The following SRGAP3 variants were observed in gnomAD, a reference collection of about 807,000 sequenced individuals.
SRGAP3 encodes the protein SLIT-ROBO Rho GTPase-activating protein 3.
SRGAP3 carries 39 observed loss-of-function variants against 121.1 expected under a neutral mutation model. The ratio of observed to expected loss-of-function variants is 0.32; its 90% CI spans 0.25 to 0.42. The LOEUF is 0.42. SRGAP3 is among the 10% of genes least tolerant of loss of function. The probability of loss-of-function intolerance (pLI) is 1.00; values close to 1 mark genes in which losing one functional copy is unlikely to be tolerated. For missense variants in SRGAP3, 1,213 were observed against 1,470.6 expected (o/e 0.82, Z 2.86); for synonymous variants, 601 against 570.0 (o/e 1.05, Z -0.77).
At position 8,984,669 on chromosome 3, in the gene SRGAP3, T is replaced by C. The variant is rs909518584; in HGVS notation, c.*850A>G. 4.3e-6 allele frequency: 1 copy of C among 232,302 alleles called. No homozygotes were observed. The highest frequency in any genetic ancestry group is 2.2e-5 in the African/African-American group (1 of 45,270). 14.4% of individuals were successfully genotyped at this position (232,302 alleles called of 1,614,324 possible). A position where few individuals can be genotyped will look rare whatever the true frequency, so the allele number is the denominator to read the frequency against. Reference sequence around the variant, plus strand: ...GGGTCTTCTCGCCAACCTTCTCCCATGCCTTTGGGAGTACAGTTGGCCTTT... The same window carrying C: ...GGGTCTTCTCGCCAACCTTCTCCCACGCCTTTGGGAGTACAGTTGGCCTTT... On this transcript the variant is annotated 3_prime_UTR_variant, in exon 22 of 22. Coordinates refer to ENST00000383836, the MANE Select transcript of SRGAP3 (RefSeq NM_014850.4).
chr3:9,099,544 G>A (rs1948126020), intron 3 of SRGAP3, among the ~76,000 whole-genome samples: 1 of 152,226 alleles, frequency 6.6e-6, no homozygotes, highest in African/African-American at 2.4e-5. Context: ...ATGGGATAGT[G>A]GCTTTAGTCC....
rs1574995620 is a variant in SRGAP3 at position 9,058,306 on chromosome 3, T to C, written c.968A>G (p.Asn323Ser). The change falls in exon 7 of 22, where the codon AAT (asparagine) becomes AGT (serine). Residue 323 changes from asparagine (N) to serine (S), a missense_variant. This residue lies in a region of SRGAP3 where 793 missense variants were observed against 1,032.9 expected (regional missense o/e 0.77). Transcript: ENST00000383836. ...CTTGAGTGGAGGGCAGAAGACTTGA[T>C]TGCACATGTCCATGACTGTGTGCTT... ...SDKHTVMDMC[N>S]QVFCPPLKFE... 3 of 1,614,222 alleles carry C rather than the reference T, an allele frequency of 1.9e-6. No individual in the cohort carries two copies. Among genetic ancestry groups the C allele is most frequent in the Non-Finnish European group, 2.5e-6 (3 of 1,180,028 alleles).
At chr3:9,203,301 T>C (rs1207334403) in intron 1 of SRGAP3, among the ~76,000 whole-genome samples, 1 of 152,212 alleles carries the variant, frequency 6.6e-6, no homozygotes, top group Non-Finnish European at 1.5e-5. Flanking sequence ...TGGATTCTAG[T>C]GCTAACTCTG....
At chr3:9,179,291 C>T (rs945361229) in intron 1 of SRGAP3, among the ~76,000 whole-genome samples, 13 of 152,312 alleles carry the variant, frequency 8.5e-5, no homozygotes, top group Middle Eastern at 6.8e-3. Flanking sequence ...ATCAAGGCTA[C>T]CAGTCTAGGC....
intron 2 of SRGAP3, among the ~76,000 whole-genome samples, chr3:9,330,066 G>C (rs531886271): frequency 6.6e-6 from 1 of 152,270 alleles, no homozygotes; most frequent in Admixed American, 6.5e-5. Context: ...TAATGCATAA[G>C]CCAGAAGGAA....
intron 1 of SRGAP3, among the ~76,000 whole-genome samples, chr3:9,360,172 T>C (rs1417490818): frequency 1.3e-5 from 2 of 152,080 alleles, no homozygotes; most frequent in African/African-American, 4.8e-5. Flanking sequence ...CAAGCAATCT[T>C]CCCGCCTCTG....
intron 1 of SRGAP3, among the ~76,000 whole-genome samples, chr3:9,213,806 T>C (rs1952526822): frequency 6.6e-6 from 1 of 152,216 alleles, no homozygotes; most frequent in Non-Finnish European, 1.5e-5. Context: ...CCGATGCACA[T>C]ACTTTCTTGT....
At chr3:9,223,928 C>A (rs1270271555) in intron 1 of SRGAP3, among the ~76,000 whole-genome samples, 1 of 152,170 alleles carries the variant, frequency 6.6e-6, no homozygotes, top group Non-Finnish European at 1.5e-5. Flanking sequence ...ACAGGCACTT[C>A]TCCTCTCGAA....
intron 1 of SRGAP3, among the ~76,000 whole-genome samples, chr3:9,245,263 T>C (rs181314719): frequency 3.1e-4 from 47 of 152,338 alleles, no homozygotes; most frequent in Non-Finnish European, 5.7e-4. Context: ...ACAGAACATG[T>C]ACTCTGAAGT....
chr3:9,311,126 C>T (rs904848873), intron 3 of SRGAP3, among the ~76,000 whole-genome samples: 5 of 150,756 alleles, frequency 3.3e-5, no homozygotes, highest in African/African-American at 7.4e-5. Flanking sequence ...GCCCAGGTTG[C>T]GTCACTGCAC....
At chr3:9,274,261 C>T (rs2125262025) in intron 3 of SRGAP3, among the ~76,000 whole-genome samples, 1 of 152,340 alleles carries the variant, frequency 6.6e-6, no homozygotes, top group South Asian at 2.1e-4. Context: ...TTAAACTCTA[C>T]AACACATTGA....
intron 3 of SRGAP3, among the ~76,000 whole-genome samples, chr3:9,288,602 T>G (rs3864089): frequency 0.21 from 32,010 of 150,764 alleles, 3,710 homozygotes; most frequent in African/African-American, 0.3. Flanking sequence ...TTTAGACAAG[T>G]TCTCACTCTG....
chr3:9,288,570 T>C (rs1469110166), intron 3 of SRGAP3, among the ~76,000 whole-genome samples: 1 of 149,842 alleles, frequency 6.7e-6, no homozygotes, highest in Non-Finnish European at 1.5e-5. Flanking sequence ...TTTTATAAAA[T>C]TCACTTTGTC....
chr3:9,117,529 C>A (rs1948847809), intron 2 of SRGAP3, among the ~76,000 whole-genome samples: 1 of 152,174 alleles, frequency 6.6e-6, no homozygotes, highest in African/African-American at 2.4e-5. Flanking sequence ...CTGGCTTTTC[C>A]CAAATGTTTA....
At chr3:9,095,093 G>T (rs1190851655) in intron 3 of SRGAP3, among the ~76,000 whole-genome samples, 2 of 151,998 alleles carry the variant, frequency 1.3e-5, no homozygotes, top group Non-Finnish European at 2.9e-5. Context: ...TTCACTTTCT[G>T]TGGCTTATCA....
chr3:9,059,478 T>C (rs1365796099), intron 6 of SRGAP3: 1 of 152,360 alleles, frequency 6.6e-6, no homozygotes, highest in Non-Finnish European at 1.5e-5. Context: ...CCCGACAGGA[T>C]ACACCAGGAA....
Position 9,157,591 on chromosome 3 carries a change from G to C in SRGAP3, c.68-32674C>G, listed in dbSNP as rs143773709. Among the ~76,000 whole-genome samples the C allele has an allele frequency of 3.9e-3, 591 of 152,334 alleles. 10 individuals carry two copies. The highest frequency in any genetic ancestry group is 0.013 in the African/African-American group (553 of 41,570). The stretch of plus-strand genomic sequence containing the variant: ...TGCTGTTGTCCTTATTTTATGGAAA[G>C]GAAATGGTAGCTTGCCCAAGGCCCA... On this transcript the variant is annotated intron_variant, in intron 1 of 21. Transcript: ENST00000383836.
At chr3:9,328,109 T>C (rs1301689836) in intron 2 of SRGAP3, among the ~76,000 whole-genome samples, 5 of 152,222 alleles carry the variant, frequency 3.3e-5, no homozygotes, top group Non-Finnish European at 7.3e-5. Flanking sequence ...AATGTCTTTA[T>C]TTTATCAATA....
At chr3:9,328,573 G>A (rs976249781) in intron 2 of SRGAP3, among the ~76,000 whole-genome samples, 11 of 152,146 alleles carry the variant, frequency 7.2e-5, no homozygotes, top group Admixed American at 5.2e-4. Flanking sequence ...TCTGGCTTCT[G>A]AACTTTACCA....
Sources: allele counts gnomAD v4.1 joint callset (sites outside exome capture counted in the v4.1 genomes callset), GRCh38; gene constraint gnomAD v4.1.1; regional missense constraint gnomAD v4.1.1; transcripts MANE v1.5; gene names NCBI Gene and HGNC (gene_info 2026-07-23, HGNC 2026-07-21).